DLC1: variants seen among roughly 807,000 people sequenced by gnomAD.
The protein encoded by DLC1 is rho GTPase-activating protein 7.
DLC1 carries 54 observed loss-of-function variants against 140.3 expected under a neutral mutation model. The observed-to-expected ratio is 0.38, with a 90% confidence interval of 0.31 to 0.48. DLC1 has a LOEUF of 0.48. Among genes scored for constraint, DLC1 ranks in the 20% least tolerant of loss-of-function variants. DLC1 has a pLI of 0.96. For missense variants in DLC1, 2,536 were observed against 1,907.0 expected, an observed-to-expected ratio of 1.33 and a Z score of -6.14; for synonymous variants, 986 against 728.1, an observed-to-expected ratio of 1.35 and a Z score of -5.70.
chr8:13,450,379 C>T (rs917058970), intron 2 of DLC1, among the ~76,000 whole-genome samples: 9 of 138,440 alleles, frequency 6.5e-5, no homozygotes, highest in East Asian at 2.3e-4. Flanking sequence ...CACTTGAACC[C>T]GGAAGGTGGA....
chr8:13,339,550 C>G (rs1035803502), intron 4 of DLC1: 2 of 152,206 alleles, frequency 1.3e-5, no homozygotes, highest in Admixed American at 6.5e-5. Context: ...CATTTGGTCT[C>G]TGGTAGGACA....
intron 1 of DLC1, among the ~76,000 whole-genome samples, chr8:13,510,948 C>T (rs1309359515): frequency 6.6e-6 from 1 of 152,152 alleles, no homozygotes; most frequent in Non-Finnish European, 1.5e-5. Context: ...AACTCCCACA[C>T]ATTACCATTC....
intron 1 of DLC1, among the ~76,000 whole-genome samples, chr8:13,572,390 T>G (rs527309585): frequency 3.9e-5 from 6 of 152,192 alleles, no homozygotes; most frequent in Non-Finnish European, 8.8e-5. Flanking sequence ...GATAGTAAAT[T>G]CTTATCAGAT....
At chr8:13,230,457 AT>A (rs1249397944) in intron 5 of DLC1, among the ~76,000 whole-genome samples, 1 of 152,252 alleles carries the variant, frequency 6.6e-6, no homozygotes, top group Non-Finnish European at 1.5e-5. Context: ...GGTGGCATGA[AT>A]CCAGGAGAGC....
chr8:13,571,134 T>C (rs1397058151), intron 1 of DLC1, among the ~76,000 whole-genome samples: 1 of 152,260 alleles, frequency 6.6e-6, no homozygotes, highest in Non-Finnish European at 1.5e-5. Context: ...TGCTGTTTTA[T>C]GCAAATACGA....
At chr8:13,414,789 ATGT>A (rs1402343881) in intron 2 of DLC1, among the ~76,000 whole-genome samples, 1 of 151,996 alleles carries the variant, frequency 6.6e-6, no homozygotes. Context: ...ATTTGACACG[ATGT>A]TATCATTTTT....
chr8:13,592,069 A>G (rs918064297), intron 1 of DLC1, among the ~76,000 whole-genome samples: 1 of 152,076 alleles, frequency 6.6e-6, no homozygotes, highest in Admixed American at 6.6e-5. Context: ...AAACCTGTGG[A>G]TAGAGAAAGA....
chr8:13,241,374 A>T (rs1829537591), intron 5 of DLC1, among the ~76,000 whole-genome samples: 1 of 152,152 alleles, frequency 6.6e-6, no homozygotes, highest in Admixed American at 6.5e-5. Flanking sequence ...CATGTATAGA[A>T]GTTTTCCCAT....
At chr8:13,410,643 A>C (rs953451461) in intron 2 of DLC1, among the ~76,000 whole-genome samples, 2 of 142,768 alleles carry the variant, frequency 1.4e-5, no homozygotes, top group African/African-American at 5.1e-5. Context: ...GAAATGAGCA[A>C]GACCATTATA....
intron 1 of DLC1, among the ~76,000 whole-genome samples, chr8:13,513,597 T>G (rs1438259531): frequency 6.6e-6 from 1 of 152,200 alleles, no homozygotes; most frequent in Non-Finnish European, 1.5e-5. Flanking sequence ...CTTCCCTTTA[T>G]GTACCATTTT....
At chr8:13,345,651 G>A (rs981608670) in intron 4 of DLC1, among the ~76,000 whole-genome samples, 11 of 135,586 alleles carry the variant, frequency 8.1e-5, no homozygotes, top group African/African-American at 2.3e-4. Flanking sequence ...TCTGCCTCCC[G>A]GCTTCAAGCG....
intron 15 of DLC1, among the ~76,000 whole-genome samples, chr8:13,090,048 T>A (rs1003750896): frequency 2.0e-5 from 3 of 152,220 alleles, no homozygotes; most frequent in Admixed American, 2.0e-4. Flanking sequence ...CTCTCCCAAG[T>A]GTTACACAGG....
chr8:13,162,168 A>G (rs1824753984), intron 5 of DLC1, among the ~76,000 whole-genome samples: 1 of 152,328 alleles, frequency 6.6e-6, no homozygotes, highest in Middle Eastern at 3.4e-3. Flanking sequence ...CAGCTTGACT[A>G]CTTAAGAGAA....
At chr8:13,289,897 G>C (rs1302863304) in intron 5 of DLC1, among the ~76,000 whole-genome samples, 2 of 152,110 alleles carry the variant, frequency 1.3e-5, no homozygotes, top group Admixed American at 6.6e-5. Context: ...TGTTGTCCTT[G>C]GGAGACAGGA....
intron 5 of DLC1, among the ~76,000 whole-genome samples, chr8:13,173,363 G>A (rs1436271304): frequency 7.3e-6 from 1 of 136,068 alleles, no homozygotes; most frequent in East Asian, 2.4e-4. Flanking sequence ...TCTTTGTTCT[G>A]CCCTCTTTTT....
chr8:13,584,606 T>C (rs759667676), intron 1 of DLC1: 5 of 152,192 alleles, frequency 3.3e-5, no homozygotes, highest in African/African-American at 7.2e-5. Flanking sequence ...AGATTTACCC[T>C]TCAAGCTGGT....
chr8:13,464,790 A>ATT (rs1799856393), intron 2 of DLC1, among the ~76,000 whole-genome samples: 1 of 141,012 alleles, frequency 7.1e-6, no homozygotes, highest in African/African-American at 2.6e-5. Flanking sequence ...ATATATATAT[A>ATT]TTTATGCTTA....
intron 2 of DLC1, among the ~76,000 whole-genome samples, chr8:13,420,232 C>T (rs969326125): frequency 4.0e-5 from 6 of 151,856 alleles, no homozygotes; most frequent in African/African-American, 1.5e-4. Flanking sequence ...GCTCAGAGTA[C>T]CTACTTTTCT....
intron 5 of DLC1, among the ~76,000 whole-genome samples, chr8:13,172,267 C>T (rs1825527355): frequency 6.6e-6 from 1 of 152,040 alleles, no homozygotes; most frequent in South Asian, 2.1e-4. Flanking sequence ...TAATGGAGAC[C>T]CCTGATAGGG....
Sources: gnomAD v4.1 joint callset for allele counts (sites outside exome capture counted in the v4.1 genomes callset) on GRCh38, gnomAD v4.1.1 for gene constraint, MANE v1.5 for transcripts, NCBI Gene and HGNC (gene_info 2026-07-23, HGNC 2026-07-21) for gene names.